Variants in SCHIP1 observed in about 807,000 individuals in gnomAD.
SCHIP1 encodes schwannomin interacting protein 1, also known as schwannomin-interacting protein 1.
In SCHIP1, 8 loss-of-function variants were observed where a neutral mutation model predicts 29.7. The ratio of observed to expected loss-of-function variants is 0.27; its 90% CI spans 0.16 to 0.49. SCHIP1 has a LOEUF of 0.49. Among genes scored for constraint, SCHIP1 ranks in the 20% least tolerant of loss-of-function variants. The probability of loss-of-function intolerance (pLI) is 0.99; values close to 1 mark genes in which losing one functional copy is unlikely to be tolerated. For missense variants in SCHIP1, 193 were observed against 294.6 expected, an observed-to-expected ratio of 0.66 and a Z score of 2.52; for synonymous variants, 76 against 94.9, an observed-to-expected ratio of 0.80 and a Z score of 1.16.
exon 1 of SCHIP1, chr3:159,839,901 T>C (rs1744051894): frequency 1.4e-6 from 2 of 1,395,860 alleles, no homozygotes; most frequent in Non-Finnish European, 1.8e-6. Flanking sequence ...ATTGTGCGGG[T>C]GATGAGCGCC....
At chr3:159,872,179 A>G (rs1421713073) in intron 2 of SCHIP1, among the ~76,000 whole-genome samples, 1 of 151,702 alleles carries the variant, frequency 6.6e-6, no homozygotes, top group Non-Finnish European at 1.5e-5. Context: ...CTTTAATATT[A>G]TTTTAGTAAG....
chr3:159,696,363 T>C, the SCHIP1 span, among the ~76,000 whole-genome samples: 1 of 152,160 alleles, frequency 6.6e-6, no homozygotes, highest in Non-Finnish European at 1.5e-5. Context: ...TTTCTGTGAA[T>C]AGTGAAGTTA....
the SCHIP1 span, among the ~76,000 whole-genome samples, chr3:159,722,641 A>G: frequency 5.3e-5 from 8 of 152,152 alleles, no homozygotes; most frequent in African/African-American, 1.9e-4. Flanking sequence ...TGTGTGCGAG[A>G]GAGAAGCATG....
chr3:159,757,587 C>T, the SCHIP1 span, among the ~76,000 whole-genome samples: 1 of 152,154 alleles, frequency 6.6e-6, no homozygotes, highest in Non-Finnish European at 1.5e-5. Flanking sequence ...GACCCCTTCA[C>T]TCATTTACCT....
chr3:159,394,328 C>G, the SCHIP1 span, among the ~76,000 whole-genome samples: 3 of 152,084 alleles, frequency 2.0e-5, no homozygotes, highest in Non-Finnish European at 4.4e-5. Flanking sequence ...CCTAATTGCT[C>G]TGGCCAGAAC....
chr3:159,582,439 T>C, the SCHIP1 span, among the ~76,000 whole-genome samples: 3 of 152,096 alleles, frequency 2.0e-5, no homozygotes, highest in Admixed American at 2.0e-4. Flanking sequence ...AGTGTTAGGA[T>C]GGGATGAGCC....
At chr3:159,516,292 T>C in the SCHIP1 span, among the ~76,000 whole-genome samples, 1 of 152,156 alleles carries the variant, frequency 6.6e-6, no homozygotes. Context: ...AATGAACTCC[T>C]TCCTCCACTC....
chr3:159,768,919 T>C, the SCHIP1 span, among the ~76,000 whole-genome samples: 2 of 152,232 alleles, frequency 1.3e-5, no homozygotes, highest in Non-Finnish European at 2.9e-5. Context: ...GCCCCTTCCA[T>C]GGGCAGCCCC....
chr3:159,708,209 A>G, the SCHIP1 span, among the ~76,000 whole-genome samples: 1 of 152,314 alleles, frequency 6.6e-6, no homozygotes, highest in East Asian at 1.9e-4. Flanking sequence ...ACAAGACAAG[A>G]GTTCAACACA....
chr3:159,648,047 C>A, the SCHIP1 span, among the ~76,000 whole-genome samples: 4 of 152,076 alleles, frequency 2.6e-5, no homozygotes, highest in African/African-American at 9.7e-5. Context: ...AGGTTTTTTT[C>A]AGAAACTGGC....
the SCHIP1 span, among the ~76,000 whole-genome samples, chr3:159,389,246 G>C: frequency 6.6e-6 from 1 of 151,924 alleles, no homozygotes; most frequent in Non-Finnish European, 1.5e-5. Flanking sequence ...TACATGGCAG[G>C]GGGTATTTTT....
At chr3:159,649,087 A>G in the SCHIP1 span, among the ~76,000 whole-genome samples, 3 of 152,176 alleles carry the variant, frequency 2.0e-5, no homozygotes, top group Non-Finnish European at 4.4e-5. Flanking sequence ...TAGAGATTAG[A>G]TATCTGGCTT....
chr3:159,567,416 T>C, the SCHIP1 span, among the ~76,000 whole-genome samples: 3 of 152,168 alleles, frequency 2.0e-5, no homozygotes, highest in East Asian at 5.8e-4. Context: ...CACAAGATAT[T>C]CACCATCTCT....
intron 2 of SCHIP1, among the ~76,000 whole-genome samples, chr3:159,882,783 T>C (rs1014735655): frequency 6.6e-6 from 1 of 152,216 alleles, no homozygotes; most frequent in African/African-American, 2.4e-5. Context: ...CTGGTAACAG[T>C]AGTTGGAAGT....
chr3:159,360,171 C>G, the SCHIP1 span, among the ~76,000 whole-genome samples: 4 of 152,264 alleles, frequency 2.6e-5, no homozygotes, highest in East Asian at 7.7e-4. Flanking sequence ...GACCATTAAG[C>G]TTTCACTTTC....
chr3:159,824,652 A>G, the SCHIP1 span, among the ~76,000 whole-genome samples: 1 of 152,244 alleles, frequency 6.6e-6, no homozygotes, highest in Non-Finnish European at 1.5e-5. Flanking sequence ...GAGTACTGAA[A>G]CTTTAGTAGT....
the SCHIP1 span, among the ~76,000 whole-genome samples, chr3:159,434,942 G>T: frequency 6.6e-6 from 1 of 152,108 alleles, no homozygotes; most frequent in South Asian, 2.1e-4. Context: ...AGAATAGGTG[G>T]TCCTTGAGGG....
the SCHIP1 span, among the ~76,000 whole-genome samples, chr3:159,616,679 G>A: frequency 5.9e-5 from 9 of 152,206 alleles, no homozygotes; most frequent in African/African-American, 1.9e-4. Context: ...CCATGCTGTG[G>A]TCACAAATAA....
the SCHIP1 span, among the ~76,000 whole-genome samples, chr3:159,389,455 T>C: frequency 3.9e-5 from 6 of 152,030 alleles, no homozygotes; most frequent in East Asian, 1.2e-3. Context: ...AAGCACAGAA[T>C]TTTTGGAGGA....
Sources: gnomAD v4.1 joint callset for allele counts (sites outside exome capture counted in the v4.1 genomes callset) on GRCh38, gnomAD v4.1.1 for gene constraint, MANE v1.5 for transcripts, NCBI Gene and HGNC (gene_info 2026-07-23, HGNC 2026-07-21) for gene names.